Variants in SLIT3 observed in about 807,000 individuals in gnomAD.
SLIT3 encodes the protein slit guidance ligand 3, also known as slit homolog 3 protein.
SLIT3 carries 68 observed loss-of-function variants against 184.0 expected under a neutral mutation model. The ratio of observed to expected loss-of-function variants is 0.37; its 90% CI spans 0.30 to 0.45. SLIT3 has a LOEUF of 0.45. Among genes scored for constraint, SLIT3 ranks in the 20% least tolerant of loss-of-function variants. The pLI is 1.00. For missense variants in SLIT3, 1,707 were observed against 2,026.0 expected, an observed-to-expected ratio of 0.84 and a Z score of 3.02; for synonymous variants, 831 against 828.6, an observed-to-expected ratio of 1.00 and a Z score of -0.05.
chr5:169,287,087 G>C (rs1767173786), intron 1 of SLIT3, among the ~76,000 whole-genome samples: 1 of 152,224 alleles, frequency 6.6e-6, no homozygotes, highest in Non-Finnish European at 1.5e-5. Context: ...AGAGTAAACA[G>C]AGCAGATTGG....
intron 29 of SLIT3, among the ~76,000 whole-genome samples, chr5:168,690,460 C>T (rs1761871594): frequency 6.6e-6 from 1 of 152,224 alleles, no homozygotes; most frequent in Non-Finnish European, 1.5e-5. Context: ...TCCCCATTCC[C>T]TGCCCCTTCC....
At chr5:169,111,021 C>T (rs1405369982) in intron 4 of SLIT3, among the ~76,000 whole-genome samples, 2 of 152,194 alleles carry the variant, frequency 1.3e-5, no homozygotes, top group African/African-American at 4.8e-5. Flanking sequence ...TCTGCAACGG[C>T]CTTACTGACT....
intron 8 of SLIT3, 66 bp downstream of exon 8, chr5:168,817,234 T>A: frequency 1.4e-6 from 2 of 1,452,556 alleles, no homozygotes; most frequent in Non-Finnish European, 1.9e-6. Context: ...GTCAGGGTGA[T>A]GTTGTGGGAG....
intron 4 of SLIT3, among the ~76,000 whole-genome samples, chr5:169,078,527 A>G (rs1344779281): frequency 6.6e-6 from 1 of 152,174 alleles, no homozygotes; most frequent in Non-Finnish European, 1.5e-5. Context: ...CCGCAAACCC[A>G]GCACCCTTCC....
Position 168,844,500 on chromosome 5 carries a change from C to T in SLIT3, c.557+84G>A, listed in dbSNP as rs752236680. The T allele has an allele frequency of 2.2e-5, 27 of 1,252,818 alleles. No homozygotes were observed. The Middle Eastern group carries it at 8.0e-4, about 37-fold the overall frequency. The allele number at this position is 1,252,818 out of a possible 1,614,324, so 77.6% of individuals were successfully genotyped here. A position where few individuals can be genotyped will look rare whatever the true frequency, so the allele number is the denominator to read the frequency against. On this transcript the variant is annotated intron_variant, in intron 6 of 35. Coordinates refer to ENST00000519560, the MANE Select transcript of SLIT3 (RefSeq NM_003062.4). ...ACACAGACCCTCCTGCACACACTCT[C>T]CCCCTCTCTCCTCCCCACACAGACA...
chr5:169,053,727 G>A (rs893231599), intron 4 of SLIT3, among the ~76,000 whole-genome samples: 1 of 150,802 alleles, frequency 6.6e-6, no homozygotes, highest in East Asian at 2.0e-4. Flanking sequence ...CCTGTTACAG[G>A]TGAATTATGT....
chr5:169,065,749 C>T (rs1033442173), intron 4 of SLIT3, among the ~76,000 whole-genome samples: 1 of 152,206 alleles, frequency 6.6e-6, no homozygotes. Context: ...AGCTGGAAGG[C>T]TTCTTCCCAA....
chr5:168,944,808 G>A (rs147364439), intron 4 of SLIT3, among the ~76,000 whole-genome samples: 3 of 152,224 alleles, frequency 2.0e-5, no homozygotes, highest in East Asian at 3.9e-4. Context: ...AAGCTACTTC[G>A]TATGGTGACT....
At chr5:168,728,936 CAAA>C (rs532015839) in intron 20 of SLIT3, among the ~76,000 whole-genome samples, 1 of 140,348 alleles carries the variant, frequency 7.1e-6, no homozygotes, top group African/African-American at 2.6e-5. Context: ...ACCAAAGAAA[CAAA>C]AAAAAAAGCC....
chr5:168,749,406 C>A (rs1754616311), intron 19 of SLIT3, 66 bp downstream of exon 19: 2 of 1,567,306 alleles, frequency 1.3e-6, no homozygotes, highest in Non-Finnish European at 8.8e-7. Flanking sequence ...TCTGATTGTG[C>A]ATCTTCGCCA....
intron 4 of SLIT3, among the ~76,000 whole-genome samples, chr5:169,118,668 A>T (rs1428595269): frequency 6.6e-6 from 1 of 152,212 alleles, no homozygotes; most frequent in Non-Finnish European, 1.5e-5. Flanking sequence ...CTTGGCCATC[A>T]CTAGATGAAA....
chr5:168,671,255 G>T lies in SLIT3; in HGVS notation c.4070C>A (p.Pro1357Gln). 6.2e-7 allele frequency: 1 copy of T among 1,613,478 alleles called. No homozygotes were observed. Among genetic ancestry groups the T allele is most frequent in the Non-Finnish European group, 8.5e-7 (1 of 1,179,908 alleles). Residue 1357 changes from proline to glutamine, a missense_variant, in exon 34 of 36, where the codon CCA becomes CAA. By Grantham distance (76) the Pro-to-Gln change is moderately conservative. This residue lies in a region of SLIT3 where 387 missense variants were observed against 477.9 expected (regional missense o/e 0.81). Transcript: ENST00000519560. ...ATCGCAGAGTGGGCCGGTCCAGCCTGGGCGGCACTCGCACACCACGCTGTC... is the reference window on the plus strand; with the variant it reads ...ATCGCAGAGTGGGCCGGTCCAGCCTTGGCGGCACTCGCACACCACGCTGTC... ...EKDSVVCECR[P>Q]GWTGPLCDQE...
intron 3 of SLIT3, among the ~76,000 whole-genome samples, chr5:169,205,722 C>T (rs297861): frequency 0.31 from 47,310 of 152,110 alleles, 8,321 homozygotes; most frequent in East Asian, 0.69. Flanking sequence ...CTATAAGTTG[C>T]GTGCTGCTGC....
intron 4 of SLIT3, among the ~76,000 whole-genome samples, chr5:169,152,408 C>T (rs746624036): frequency 1.3e-5 from 2 of 152,202 alleles, no homozygotes. Context: ...TCTCAGCAGG[C>T]TGAGTATTAA....
intron 4 of SLIT3, among the ~76,000 whole-genome samples, chr5:169,108,232 A>T (rs1269004290): frequency 2.0e-5 from 3 of 152,240 alleles, no homozygotes; most frequent in Admixed American, 6.5e-5. Flanking sequence ...ATTTTCAGAC[A>T]GTGGGAGACA....
At chr5:169,130,613 C>A (rs1411444049) in intron 4 of SLIT3, among the ~76,000 whole-genome samples, 1 of 152,120 alleles carries the variant, frequency 6.6e-6, no homozygotes, top group East Asian at 1.9e-4. Context: ...GTGCCTAGCC[C>A]AAAGTAGGCA....
chr5:168,953,578 G>T (rs1281744324), intron 4 of SLIT3, among the ~76,000 whole-genome samples: 1 of 152,246 alleles, frequency 6.6e-6, no homozygotes, highest in East Asian at 1.9e-4. Flanking sequence ...TCACAAGGCT[G>T]TGGCAATTAA....
chr5:169,085,231 T>C (rs1759243242), intron 4 of SLIT3, among the ~76,000 whole-genome samples: 1 of 152,178 alleles, frequency 6.6e-6, no homozygotes, highest in Non-Finnish European at 1.5e-5. Context: ...GCAGGTCGGC[T>C]GGAAACACAT....
At chr5:169,165,194 G>A (rs1418320863) in intron 4 of SLIT3, among the ~76,000 whole-genome samples, 1 of 152,236 alleles carries the variant, frequency 6.6e-6, no homozygotes, top group Non-Finnish European at 1.5e-5. Flanking sequence ...GAAGAAACAA[G>A]TGATGCAATT....
Sources: gnomAD v4.1 joint callset for allele counts (sites outside exome capture counted in the v4.1 genomes callset) on GRCh38, gnomAD v4.1.1 for gene constraint, gnomAD v4.1.1 regional missense constraint, MANE v1.5 for transcripts, NCBI Gene and HGNC (gene_info 2026-07-23, HGNC 2026-07-21) for gene names.